Variants in RGS5 observed in about 807,000 individuals in gnomAD.
The protein encoded by RGS5 is regulator of G protein signaling 5.
In RGS5, 20 loss-of-function variants were observed where a neutral mutation model predicts 18.9. The observed-to-expected ratio is 1.06, with a 90% CI of 0.74 to 1.54. The LOEUF is 1.54. Among genes scored for constraint, RGS5 ranks in the 40% most tolerant of loss-of-function variants. The pLI is 0.00. For synonymous variants in RGS5, 57 were observed against 76.2 expected, an observed-to-expected ratio of 0.75 and a Z score of 1.31; for missense variants, 201 against 211.8, an observed-to-expected ratio of 0.95 and a Z score of 0.32.
At position 163,196,762 on chromosome 1, in the gene RGS5, A is replaced by G. The variant is rs1016248157; in HGVS notation, c.44+6030T>C. ...CACTTTTCTTTTTCTCCTAATCCCC[A>G]CTCCCCTTCTCCCATAGCAGGCACC... On this transcript the variant is annotated intron_variant, in intron 1 of 4. Transcript: ENST00000313961. Among the ~76,000 whole-genome samples the G allele has an allele frequency of 6.6e-5, 10 of 151,430 alleles. 1 individual carries two copies. The South Asian group carries it at 2.1e-3, about 32-fold the overall frequency.
chr1:163,268,816 T>C (rs1648639877), intron 2 of RGS5, among the ~76,000 whole-genome samples: 1 of 152,158 alleles, frequency 6.6e-6, no homozygotes, highest in African/African-American at 2.4e-5. Context: ...TAGGTGTTCT[T>C]TCCTGTGGCC....
At chr1:163,301,687 C>T (rs1048902691) in intron 2 of RGS5, among the ~76,000 whole-genome samples, 4 of 152,184 alleles carry the variant, frequency 2.6e-5, no homozygotes, top group Admixed American at 2.6e-4. Flanking sequence ...CAATTCTCCC[C>T]TTCACTCTGG....
At chr1:163,194,732 G>A (rs1174594560) in intron 1 of RGS5, among the ~76,000 whole-genome samples, 1 of 152,084 alleles carries the variant, frequency 6.6e-6, no homozygotes, top group Non-Finnish European at 1.5e-5. Context: ...CTCAATGTGT[G>A]AACATTTTTG....
At chr1:163,182,540 G>T (rs1217649143) in intron 1 of RGS5, among the ~76,000 whole-genome samples, 1 of 152,142 alleles carries the variant, frequency 6.6e-6, no homozygotes, top group South Asian at 2.1e-4. Flanking sequence ...GGTTACTGGG[G>T]GTAAGGAAGG....
At chr1:163,295,567 A>G (rs1350407267) in intron 2 of RGS5, among the ~76,000 whole-genome samples, 1 of 152,214 alleles carries the variant, frequency 6.6e-6, no homozygotes, top group Admixed American at 6.5e-5. Context: ...AGAGAAGCTG[A>G]CATTAACCAC....
At chr1:163,255,821 A>C (rs1430348479) in intron 2 of RGS5, among the ~76,000 whole-genome samples, 1 of 152,112 alleles carries the variant, frequency 6.6e-6, no homozygotes, top group African/African-American at 2.4e-5. Context: ...GCAAATCAAT[A>C]AATGTAATCC....
intron 1 of RGS5, chr1:163,308,759 T>C (rs1489889433): frequency 2.6e-5 from 4 of 152,204 alleles, no homozygotes; most frequent in Non-Finnish European, 4.4e-5. Context: ...TACATAATTA[T>C]GTACAGGCAT....
At chr1:163,258,645 C>CTGTGTGTGTG (rs113301415) in intron 2 of RGS5, among the ~76,000 whole-genome samples, 179 of 148,394 alleles carry the variant, frequency 1.2e-3, no homozygotes, top group African/African-American at 4.2e-3. Context: ...GTAAGTGTGT[C>CTGTGTGTGTG]TGTGTGTGTG....
At chr1:163,187,715 C>A (rs1031982142) in intron 1 of RGS5, among the ~76,000 whole-genome samples, 3 of 152,148 alleles carry the variant, frequency 2.0e-5, no homozygotes, top group African/African-American at 7.2e-5. Flanking sequence ...CCTAGTGTCT[C>A]TTCCTCTGTA....
intron 4 of RGS5, among the ~76,000 whole-genome samples, chr1:163,147,938 T>TTTTTG (rs1203775518): frequency 6.2e-5 from 9 of 145,926 alleles, no homozygotes; most frequent in African/African-American, 2.3e-4. Context: ...TTTTTTTTTT[T>TTTTTG]TTGTTGGATA....
chr1:163,292,691 G>A (rs926865590), intron 2 of RGS5, among the ~76,000 whole-genome samples: 1 of 151,950 alleles, frequency 6.6e-6, no homozygotes, highest in Non-Finnish European at 1.5e-5. Context: ...CTGTTTTTTG[G>A]CTTTTTAGTA....
intron 4 of RGS5, 133 bp downstream of exon 4, chr1:163,152,417 G>A: frequency 1.2e-6 from 1 of 865,862 alleles, no homozygotes; most frequent in South Asian, 2.1e-5. Flanking sequence ...TACTCAATAG[G>A]TGCTTAATAA....
chr1:163,288,653 A>G (rs1272848787), intron 2 of RGS5, among the ~76,000 whole-genome samples: 1 of 152,116 alleles, frequency 6.6e-6, no homozygotes, highest in Non-Finnish European at 1.5e-5. Context: ...CTTCATTATT[A>G]TAACCTTTTA....
At chr1:163,315,509 T>C (rs3010371) in intron 1 of RGS5, among the ~76,000 whole-genome samples, 136,461 of 152,260 alleles carry the variant, frequency 0.9, 61,990 homozygotes, top group Non-Finnish European at 0.97. Flanking sequence ...AATAATAGAG[T>C]TTGCTGTGAA....
At chr1:163,270,200 T>C (rs978374860) in intron 2 of RGS5, among the ~76,000 whole-genome samples, 6 of 152,004 alleles carry the variant, frequency 3.9e-5, no homozygotes, top group Admixed American at 2.0e-4. Flanking sequence ...TTGACACAGT[T>C]CTTTTTCTTT....
chr1:163,303,877 A>T (rs1173946287), intron 2 of RGS5, among the ~76,000 whole-genome samples: 1 of 152,182 alleles, frequency 6.6e-6, no homozygotes, highest in East Asian at 1.9e-4. Flanking sequence ...ACTTATGAGA[A>T]TCTAATTAAT....
intron 2 of RGS5, among the ~76,000 whole-genome samples, chr1:163,255,919 GCT>G (rs1369166058): frequency 6.6e-6 from 1 of 152,082 alleles, no homozygotes; most frequent in Non-Finnish European, 1.5e-5. Flanking sequence ...AACCCTTCAT[GCT>G]AAAAACTCTC....
chr1:163,270,795 A>G (rs1486892684), intron 2 of RGS5, among the ~76,000 whole-genome samples: 1 of 152,210 alleles, frequency 6.6e-6, no homozygotes, highest in Non-Finnish European at 1.5e-5. Flanking sequence ...TAAATTTCCC[A>G]TGAACTTTTC....
chr1:163,228,086 TACC>T (rs1446841288), intron 2 of RGS5, among the ~76,000 whole-genome samples: 2 of 152,178 alleles, frequency 1.3e-5, no homozygotes, highest in Non-Finnish European at 2.9e-5. Context: ...TTGGTGGATC[TACC>T]ATTCTGGGGT....
Sources: allele counts gnomAD v4.1 joint callset (sites outside exome capture counted in the v4.1 genomes callset), GRCh38; gene constraint gnomAD v4.1.1; transcripts MANE v1.5; gene names NCBI Gene and HGNC (gene_info 2026-07-23, HGNC 2026-07-21).